ABLIM1: variants seen among roughly 807,000 people sequenced by gnomAD.
ABLIM1 encodes actin-binding LIM protein 1.
Under a neutral mutation model 107.0 loss-of-function variants are expected in ABLIM1, and 40 were observed. The ratio of observed to expected loss-of-function variants is 0.37; its 90% CI spans 0.29 to 0.49. ABLIM1 has a LOEUF of 0.49. Ranked by LOEUF, ABLIM1 falls within the 20% of genes least tolerant of loss-of-function variation. The pLI is 0.97. For synonymous variants in ABLIM1, 357 were observed against 357.3 expected, an observed-to-expected ratio of 1.00 and a Z score of 0.01; for missense variants, 857 against 1,008.5, an observed-to-expected ratio of 0.85 and a Z score of 2.04.
At chr10:114,545,600 T>C (rs2067221525) in intron 5 of ABLIM1, among the ~76,000 whole-genome samples, 2 of 152,072 alleles carry the variant, frequency 1.3e-5, no homozygotes. Flanking sequence ...CTATAAAATA[T>C]TGTTAATGTA....
At chr10:114,703,944 A>G (rs898245722) in intron 1 of ABLIM1, among the ~76,000 whole-genome samples, 1 of 152,152 alleles carries the variant, frequency 6.6e-6, no homozygotes, top group Non-Finnish European at 1.5e-5. Flanking sequence ...GAATGTACTC[A>G]CTAAATCTTT....
intron 1 of ABLIM1, chr10:114,632,595 T>A (rs1207997804): frequency 2.2e-5 from 22 of 985,286 alleles, no homozygotes; most frequent in Non-Finnish European, 2.5e-5. Flanking sequence ...CGCTATAATT[T>A]ACCTGAATGG....
At chr10:114,480,116 T>G (rs1475469930) in intron 8 of ABLIM1, among the ~76,000 whole-genome samples, 2 of 152,236 alleles carry the variant, frequency 1.3e-5, no homozygotes, top group Admixed American at 1.3e-4. Flanking sequence ...CATCACCTCT[T>G]TGGTCATCAC....
At chr10:114,601,984 T>C (rs765025631) in intron 1 of ABLIM1, 23 bp from the exon 2 acceptor site, 1 of 1,613,424 alleles carries the variant, frequency 6.2e-7, no homozygotes, top group Admixed American at 1.7e-5. Flanking sequence ...CAACAAAAGA[T>C]CCAGGTGAGT....
At chr10:114,468,146 C>T in intron 11 of ABLIM1, 35 bp downstream of exon 11, 1 of 1,592,498 alleles carries the variant, frequency 6.3e-7, no homozygotes, top group East Asian at 2.2e-5. Flanking sequence ...TCTCAAATTC[C>T]ACCCATTAAA....
intron 1 of ABLIM1, chr10:114,610,605 T>C (rs2076740871): frequency 6.6e-6 from 1 of 152,172 alleles, no homozygotes; most frequent in Non-Finnish European, 1.5e-5. Context: ...AATAAATGCA[T>C]AGAGTGCTTA....
chr10:114,738,881 A>G (rs914478678), intron 1 of ABLIM1, among the ~76,000 whole-genome samples: 6 of 152,224 alleles, frequency 3.9e-5, no homozygotes, highest in African/African-American at 1.4e-4. Context: ...TGCTCTATTT[A>G]AGACAAATAA....
At chr10:114,493,887 G>T (rs2135240066) in intron 6 of ABLIM1, among the ~76,000 whole-genome samples, 1 of 152,298 alleles carries the variant, frequency 6.6e-6, no homozygotes, top group Admixed American at 6.5e-5. Flanking sequence ...TTTCTCTATA[G>T]ACCTTGACAG....
intron 8 of ABLIM1, among the ~76,000 whole-genome samples, chr10:114,487,167 A>G (rs761948625): frequency 2.0e-5 from 3 of 152,214 alleles, no homozygotes; most frequent in Non-Finnish European, 4.4e-5. Context: ...TACACTATGC[A>G]CTAGAATCTG....
intron 1 of ABLIM1, among the ~76,000 whole-genome samples, chr10:114,700,753 C>A (rs547852165): frequency 6.6e-6 from 1 of 151,562 alleles, no homozygotes; most frequent in South Asian, 2.1e-4. Flanking sequence ...AAAAAATTAA[C>A]CTCAACCCCT....
intron 1 of ABLIM1, among the ~76,000 whole-genome samples, chr10:114,730,667 A>G (rs2082054200): frequency 2.0e-5 from 3 of 152,160 alleles, no homozygotes; most frequent in Non-Finnish European, 4.4e-5. Flanking sequence ...TGTTTTTGAG[A>G]TACAACGTAC....
At chr10:114,451,789 T>C in intron 13 of ABLIM1, 118 bp from the exon 14 acceptor site, 1 of 832,210 alleles carries the variant, frequency 1.2e-6, no homozygotes, top group East Asian at 2.5e-5. Flanking sequence ...CCCAGAAGGT[T>C]AATTTCTGTA....
intron 4 of ABLIM1, among the ~76,000 whole-genome samples, chr10:114,553,456 T>A (rs1210705475): frequency 6.6e-6 from 1 of 152,194 alleles, no homozygotes; most frequent in Non-Finnish European, 1.5e-5. Flanking sequence ...GCAGGACTTA[T>A]CAAAAGATGG....
chr10:114,778,044 G>A, the ABLIM1 span: 2 of 152,246 alleles, frequency 1.3e-5, no homozygotes, highest in Non-Finnish European at 2.9e-5. Flanking sequence ...TTCAAAAGGT[G>A]ACTTGTCAAA....
chr10:114,539,513 G>A (rs181672602), intron 6 of ABLIM1, among the ~76,000 whole-genome samples: 10 of 152,322 alleles, frequency 6.6e-5, no homozygotes, highest in Non-Finnish European at 1.5e-4. Flanking sequence ...CAGAGACCAA[G>A]AAACTCAGTT....
rs528320133 is a variant in ABLIM1 at position 114,654,421 on chromosome 10, C to T, written c.244+3536G>A. 3.9e-5 allele frequency among the ~76,000 whole-genome samples: 6 copies of T among 152,312 alleles called. No individual in the cohort carries two copies. The South Asian group carries it at 1.2e-3, about 32-fold the overall frequency. ...ATTTAGTGGATGCTTTTGTGTGCCACTATACCAAACACTTTGATATGCACG... is the reference window on the plus strand; with the variant it reads ...ATTTAGTGGATGCTTTTGTGTGCCATTATACCAAACACTTTGATATGCACG... On this transcript the variant is annotated intron_variant, in intron 1 of 22. Coordinates refer to ENST00000533213, the MANE Select transcript of ABLIM1 (RefSeq NM_002313.7).
At chr10:114,509,371 C>A (rs1397388018) in intron 6 of ABLIM1, among the ~76,000 whole-genome samples, 2 of 152,132 alleles carry the variant, frequency 1.3e-5, no homozygotes, top group African/African-American at 2.4e-5. Context: ...TTTGTTGAGG[C>A]AACCAAGGAG....
At chr10:114,769,414 GAAAAGAAGGAAA>G (rs1326057034), upstream of ABLIM1, among the ~76,000 whole-genome samples, 9 of 47,730 alleles carry the variant, frequency 1.9e-4, no homozygotes, top group Non-Finnish European at 2.7e-4. Context: ...AAGAAAGAAA[GAAAAGAAGGAAA>G]GAAAGAAAGA....
At chr10:114,535,471 C>G (rs898567414) in intron 6 of ABLIM1, among the ~76,000 whole-genome samples, 1 of 152,108 alleles carries the variant, frequency 6.6e-6, no homozygotes, top group South Asian at 2.1e-4. Flanking sequence ...CCACCATGCC[C>G]GGCTAATTTT....
Sources: gnomAD v4.1 joint callset for allele counts (sites outside exome capture counted in the v4.1 genomes callset) on GRCh38, gnomAD v4.1.1 for gene constraint, MANE v1.5 for transcripts, NCBI Gene and HGNC (gene_info 2026-07-23, HGNC 2026-07-21) for gene names.